The following MGAM variants were observed in gnomAD, a reference collection of about 807,000 sequenced individuals.
MGAM encodes alpha-1,4-glucosidase.
A neutral mutation model predicts 358.8 loss-of-function variants in MGAM; 253 were observed. The ratio of observed to expected loss-of-function variants is 0.71; its 90% CI spans 0.64 to 0.78. MGAM has a LOEUF of 0.78. Among genes scored for constraint, MGAM ranks in the 30% least tolerant of loss-of-function variants. The pLI, the probability that MGAM is intolerant of heterozygous loss-of-function variation, is 0.00. For missense variants in MGAM, 3,080 were observed against 3,432.6 expected (o/e 0.90, Z 2.57); for synonymous variants, 1,105 against 1,227.1 (o/e 0.90, Z 2.08).
chr7:142,031,655 C>G (rs782757169), intron 12 of MGAM, 25 bp from the exon 13 acceptor site: 2 of 1,460,368 alleles, frequency 1.4e-6, no homozygotes, highest in Admixed American at 3.5e-5. Context: ...TTACTCTTAC[C>G]AGTGTTTTTC....
intron 41 of MGAM, 62 bp from the exon 42 acceptor site, chr7:142,067,279 C>T: frequency 8.5e-7 from 1 of 1,171,856 alleles, no homozygotes; most frequent in Non-Finnish European, 1.3e-6. Context: ...TGAGGAGCTT[C>T]TTCAGAGTGT....
chr7:142,097,459 A>G lies in MGAM; in HGVS notation c.7693-134A>G, dbSNP rs1585110137. On this transcript the variant is annotated intron_variant, in intron 65 of 70. Transcript: ENST00000475668. Reference sequence around the variant, plus strand: ...GGAAAAGGGATGGAAGGTTTCCTCAATAGGTGACCTCCTGGGACATGAGGC... The same window carrying G: ...GGAAAAGGGATGGAAGGTTTCCTCAGTAGGTGACCTCCTGGGACATGAGGC... 7 of 797,370 alleles carry G rather than the reference A, an allele frequency of 8.8e-6. No individual in the cohort carries two copies. In the East Asian group the frequency reaches 1.0e-4, roughly 12 times the overall value. 49.4% of individuals were successfully genotyped at this position (797,370 alleles called of 1,614,324 possible). A position where few individuals can be genotyped will look rare whatever the true frequency, so the allele number is the denominator to read the frequency against.
chr7:142,041,905 T>TATTA lies in MGAM; in HGVS notation c.2498+1059_2498+1060insATTA, dbSNP rs569378566. On this transcript the variant is annotated intron_variant, in intron 21 of 70. Coordinates refer to ENST00000475668, the MANE Select transcript of MGAM (RefSeq NM_001365693.1). ...ATACGTATAATATATAATATATATA[T>TATTA]TATATATATACGTATAATATATAAT... 8.8e-3 allele frequency among the ~76,000 whole-genome samples: 235 copies of TATTA among 26,718 alleles called. 13 individuals are homozygous for TATTA. Among genetic ancestry groups the TATTA allele is most frequent in the African/African-American group, 0.021 (227 of 10,660 alleles). 17.5% of individuals were successfully genotyped at this position (26,718 alleles called of 152,430 possible).
chr7:142,081,504 G>C (rs371124440), intron 50 of MGAM, among the ~76,000 whole-genome samples: 1 of 145,734 alleles, frequency 6.9e-6, no homozygotes, highest in South Asian at 2.2e-4. Context: ...GAGATGAAGC[G>C]AAGCTGGCAT....
At chr7:142,034,156 C>T (rs1241932576) in intron 14 of MGAM, 106 bp from the exon 15 acceptor site, 9 of 703,802 alleles carry the variant, frequency 1.3e-5, no homozygotes, top group Admixed American at 4.8e-5. Flanking sequence ...TTACAGGATG[C>T]CCACAAAAGT....
chr7:142,043,833 A>C (rs1809484933), intron 21 of MGAM, among the ~76,000 whole-genome samples: 1 of 100,396 alleles, frequency 1.0e-5, no homozygotes, highest in African/African-American at 2.9e-5. Flanking sequence ...TAATATATAC[A>C]TTATATACAC....
At chr7:142,020,568 C>G (rs1806346431) in intron 4 of MGAM, among the ~76,000 whole-genome samples, 1 of 149,404 alleles carries the variant, frequency 6.7e-6, no homozygotes, top group Non-Finnish European at 1.5e-5. Flanking sequence ...TTTCATCAAT[C>G]CCTTTGACAT....
At chr7:142,065,263 TG>T (rs1343260057) in intron 37 of MGAM, 71 bp from the exon 38 acceptor site, 1 of 1,556,854 alleles carries the variant, frequency 6.4e-7, no homozygotes, top group African/African-American at 1.4e-5. Context: ...TCAAGGGCTC[TG>T]GGAGCAGAAG....
chr7:142,069,726 G>A (rs951944504), intron 43 of MGAM, among the ~76,000 whole-genome samples: 4 of 145,572 alleles, frequency 2.7e-5, no homozygotes, highest in African/African-American at 7.3e-5. Flanking sequence ...ACATGTTAAG[G>A]CTCTGCTATG....
rs545060629 is a variant in MGAM, at chr7:142,041,215, T to G, written c.2498+369T>G. Among the ~76,000 whole-genome samples the G allele has an allele frequency of 2.0e-5, 3 of 152,246 alleles. No individual in the cohort carries two copies. The South Asian group carries it at 6.2e-4, about 32-fold the overall frequency. On this transcript the variant is annotated intron_variant, in intron 21 of 70. Coordinates refer to ENST00000475668, the MANE Select transcript of MGAM (RefSeq NM_001365693.1). ...CTTATGCAAACCTCAAATCTCCAAGTCACTGAATTTTCCTTTATATGTAAT... is the reference window on the plus strand; with the variant it reads ...CTTATGCAAACCTCAAATCTCCAAGGCACTGAATTTTCCTTTATATGTAAT...
chr7:142,036,796 C>T, intron 17 of MGAM, 27 bp from the exon 18 acceptor site: 2 of 1,608,242 alleles, frequency 1.2e-6, no homozygotes, highest in Non-Finnish European at 1.7e-6. Context: ...AGCCAAACCA[C>T]AACTGCAAAC....
intron 70 of MGAM, 64 bp from the exon 71 acceptor site, chr7:142,105,750 A>C: frequency 8.0e-7 from 1 of 1,253,042 alleles, no homozygotes; most frequent in Non-Finnish European, 1.2e-6. Flanking sequence ...CTTGCACCTG[A>C]TTTATTTGCA....
chr7:142,033,058 G>A, intron 14 of MGAM, 149 bp downstream of exon 14: 1 of 516,724 alleles, frequency 1.9e-6, no homozygotes, highest in Non-Finnish European at 3.4e-6. Context: ...GGAAAACTAG[G>A]AAGGAAAATA....
chr7:142,058,555 G>C (rs1324547130), intron 31 of MGAM, among the ~76,000 whole-genome samples: 1 of 152,190 alleles, frequency 6.6e-6, no homozygotes, highest in African/African-American at 2.4e-5. Flanking sequence ...TGGGAGATAG[G>C]CTGGCTCCAG....
rs771119657 is a variant in MGAM at position 142,088,996 on chromosome 7, G to GTATGTATGTATGTATCTATC, written c.6810+2282_6810+2283insGTATGTATGTATCTATCTAT. Among the ~76,000 whole-genome samples, 355 of 118,034 alleles carry GTATGTATGTATGTATCTATC rather than the reference G, an allele frequency of 3.0e-3. 4 individuals are homozygous for GTATGTATGTATGTATCTATC. The highest frequency in any genetic ancestry group is 0.014 in the East Asian group (50 of 3,698). 77.4% of individuals were successfully genotyped at this position (118,034 alleles called of 152,430 possible). A position where few individuals can be genotyped will look rare whatever the true frequency, so the allele number is the denominator to read the frequency against. On this transcript the variant is annotated intron_variant, in intron 57 of 70. Transcript: ENST00000475668. The stretch of plus-strand genomic sequence containing the variant: ...TGTATGTATGTATGTATGTATGTAT[G>GTATGTATGTATGTATCTATC]TATCTATCTATCTATCTATCTATCT...
rs370898028 is a variant in MGAM at position 142,052,411 on chromosome 7, G to T, written c.2923G>T (p.Ala975Ser). ...TTACCCTGATGAGAATGGTGCTTCT[G>T]CCGAAAACTGCACTGCCCGTGGCTG... ...DCYPDENGAS[A>S]ENCTARGCIW... The change falls in exon 25 of 71, where the codon GCC becomes TCC. Residue 975 changes from alanine (A) to serine (S), a missense_variant. Around this residue, in one of 5 missense-constraint regions of MGAM, gnomAD observed 1,816 missense variants for 1,840.5 expected, o/e 0.99. Transcript: ENST00000475668. The T allele has an allele frequency of 4.0e-5, 64 of 1,613,422 alleles. No homozygotes were observed. Among genetic ancestry groups the T allele is most frequent in the Non-Finnish European group, 5.3e-5 (63 of 1,179,686 alleles).
chr7:142,042,546 T>G (rs1174735796), intron 21 of MGAM, among the ~76,000 whole-genome samples: 1 of 3,296 alleles, frequency 3.0e-4, no homozygotes, highest in South Asian at 7.1e-3. Flanking sequence ...TAATATATAT[T>G]ATATATACAT....
chr7:142,024,966 A>T, intron 7 of MGAM, 84 bp from the exon 8 acceptor site: 2 of 896,314 alleles, frequency 2.2e-6, no homozygotes, highest in Non-Finnish European at 3.6e-6. Flanking sequence ...TTGCATGATT[A>T]AGACTGATTT....
At chr7:142,098,668 G>A (rs1816165822) in intron 66 of MGAM, among the ~76,000 whole-genome samples, 1 of 152,124 alleles carries the variant, frequency 6.6e-6, no homozygotes, top group African/African-American at 2.4e-5. Context: ...GCTCTGCTAT[G>A]TGTGTCCCAG....
Sources: allele counts gnomAD v4.1 joint callset (sites outside exome capture counted in the v4.1 genomes callset), GRCh38; gene constraint gnomAD v4.1.1; regional missense constraint gnomAD v4.1.1; transcripts MANE v1.5; gene names NCBI Gene and HGNC (gene_info 2026-07-23, HGNC 2026-07-21).